TRIP13: variants seen among roughly 807,000 people sequenced by gnomAD.
The protein encoded by TRIP13 is pachytene checkpoint protein 2 homolog.
TRIP13 carries 25 observed loss-of-function variants against 54.4 expected under a neutral mutation model. The observed-to-expected ratio is 0.46, with a 90% CI of 0.33 to 0.64. The LOEUF (loss-of-function observed/expected upper bound fraction) is 0.64. Ranked by LOEUF, TRIP13 falls within the 30% of genes least tolerant of loss-of-function variation. The probability of loss-of-function intolerance (pLI) is 0.02; values close to 1 mark genes in which losing one functional copy is unlikely to be tolerated. For synonymous variants in TRIP13, 207 were observed against 207.8 expected, an observed-to-expected ratio of 1.00 and a Z score of 0.03; for missense variants, 373 against 534.2, an observed-to-expected ratio of 0.70 and a Z score of 2.97.
At chr5:914,996 AGT>A (rs1754314843) in intron 11 of TRIP13, among the ~76,000 whole-genome samples, 1 of 152,174 alleles carries the variant, frequency 6.6e-6, no homozygotes, top group Admixed American at 6.5e-5. Context: ...CTGCTGGAGC[AGT>A]GTGTTCAGGT....
intron 6 of TRIP13, 148 bp from the exon 7 acceptor site, chr5:906,982 A>G: frequency 1.6e-6 from 1 of 644,920 alleles, no homozygotes; most frequent in Non-Finnish European, 2.8e-6. Context: ...TAGTACACGG[A>G]GGGCTGGATT....
At chr5:903,410 T>C (rs1415688415) in intron 5 of TRIP13, among the ~76,000 whole-genome samples, 1 of 152,216 alleles carries the variant, frequency 6.6e-6, no homozygotes, top group Non-Finnish European at 1.5e-5. Context: ...AGGATTATTA[T>C]AATATTGGAA....
chr5:906,844 C>T (rs183432059), intron 6 of TRIP13, among the ~76,000 whole-genome samples: 60 of 152,272 alleles, frequency 3.9e-4, no homozygotes, highest in African/African-American at 1.4e-3. Flanking sequence ...TATGTTAGTA[C>T]TGCTAATATT....
In TRIP13 at chr5:900,562, GCC is replaced by G; in HGVS notation, c.444+14_444+15del. 6 of 1,609,826 alleles carry G rather than the reference GCC, an allele frequency of 3.7e-6. No individual in the cohort carries two copies. The highest frequency in any genetic ancestry group is 5.1e-6 in the Non-Finnish European group (6 of 1,178,890). Reference sequence around the variant, plus strand: ...AGTCAAATCCCATGTAAGTTGCTGTGCCTTTTCCCAGAATGCCCTGTTATTTG... The same window carrying G: ...AGTCAAATCCCATGTAAGTTGCTGTGTTTTCCCAGAATGCCCTGTTATTTG... On this transcript the variant is annotated intron_variant, in intron 4 of 12. Transcript: ENST00000166345.
chr5:904,849 G>A (rs1394657716), intron 6 of TRIP13, among the ~76,000 whole-genome samples: 2 of 152,000 alleles, frequency 1.3e-5, no homozygotes, highest in African/African-American at 4.8e-5. Context: ...TTTTTATACT[G>A]TTTTTTCATT....
chr5:896,381 G>A (rs1277779010), intron 2 of TRIP13, among the ~76,000 whole-genome samples: 4 of 152,128 alleles, frequency 2.6e-5, no homozygotes, highest in African/African-American at 9.7e-5. Context: ...GGTCCCATCT[G>A]TGTGAGTGTA....
In TRIP13 at chr5:916,995, G is replaced by A. The variant is rs58157086; in HGVS notation, c.1204-13G>A. On this transcript the variant is annotated splice_polypyrimidine_tract_variant and intron_variant, in intron 12 of 12. Coordinates refer to ENST00000166345, the MANE Select transcript of TRIP13 (RefSeq NM_004237.4). Reference sequence around the variant, plus strand: ...GAGTTGAGCCCCTCCAGCAATGACCGTGTACCTTCTAGGCCCCCACCGTCA... The same window carrying A: ...GAGTTGAGCCCCTCCAGCAATGACCATGTACCTTCTAGGCCCCCACCGTCA... The A allele has an allele frequency of 0.031, 49,467 of 1,611,866 alleles. 1,628 individuals carry two copies. The highest frequency in any genetic ancestry group is 0.17 in the African/African-American group (12,510 of 74,824).
intron 5 of TRIP13, among the ~76,000 whole-genome samples, chr5:901,804 G>C (rs891899842): frequency 2.0e-5 from 3 of 152,090 alleles, no homozygotes; most frequent in African/African-American, 7.2e-5. Flanking sequence ...TGTATTTTTA[G>C]TAGAGACGGG....
At chr5:910,610 G>A (rs527457992) in intron 9 of TRIP13, among the ~76,000 whole-genome samples, 1 of 152,170 alleles carries the variant, frequency 6.6e-6, no homozygotes, top group Non-Finnish European at 1.5e-5. Context: ...TCACAAGGGG[G>A]TGTGGCTCAG....
At chr5:900,424 G>A in intron 3 of TRIP13, 70 bp from the exon 4 acceptor site, 1 of 1,508,556 alleles carries the variant, frequency 6.6e-7, no homozygotes, top group Non-Finnish European at 9.2e-7. Context: ...TAGGCTCAGG[G>A]GAGACTGACT....
intron 9 of TRIP13, among the ~76,000 whole-genome samples, chr5:910,460 G>A (rs558475062): frequency 1.9e-4 from 29 of 152,164 alleles, no homozygotes; most frequent in African/African-American, 6.0e-4. Flanking sequence ...TTAGATGCCC[G>A]GGATGCCAGG....
chr5:893,083 G>C lies in TRIP13; in HGVS notation c.85G>C (p.Gly29Arg). The change falls in exon 1 of 13, where the codon GGC becomes CGC. Residue 29 changes from glycine (G) to arginine (R), a missense_variant. Gly to Arg is a moderately radical substitution (Grantham distance 125). Coordinates refer to ENST00000166345, the MANE Select transcript of TRIP13 (RefSeq NM_004237.4). ...GGTCCACGTGGAGGTGCATCAGCGC[G>C]GCAGCAGGTGAGCCGGACCTGTCCG... ...PTVHVEVHQR[G>R]SSTAKKEDIN... The C allele has an allele frequency of 6.3e-7, 1 of 1,593,694 alleles. No individual in the cohort carries two copies. Among genetic ancestry groups the C allele is most frequent in the Non-Finnish European group, 8.5e-7 (1 of 1,175,604 alleles).
At chr5:900,176 T>G (rs1580051235) in intron 3 of TRIP13, among the ~76,000 whole-genome samples, 1 of 152,206 alleles carries the variant, frequency 6.6e-6, no homozygotes, top group East Asian at 1.9e-4. Flanking sequence ...AACAATACCT[T>G]AAAGAAGGAT....
At position 908,023 on chromosome 5, in the gene TRIP13, T is replaced by G. The variant is rs1754152474; in HGVS notation, c.708T>G (p.Ile236Met). The change falls in exon 8 of 13, where the codon ATT (isoleucine) becomes ATG (methionine). Residue 236 changes from isoleucine to methionine, a missense_variant. Around this residue, in one of 4 missense-constraint regions of TRIP13, gnomAD observed 119 missense variants for 223.0 expected, o/e 0.53. Coordinates refer to ENST00000166345, the MANE Select transcript of TRIP13 (RefSeq NM_004237.4). The surrounding 1 kb of genome is among the most constrained non-coding windows in gnomAD (Gnocchi z 5.2). ...TGGTAACCAAGATGTTTCAGAAGAT[T>G]CAGGATTTGATTGATGATAAAGACG... ...GKLVTKMFQK[I>M]QDLIDDKDAL... The G allele has an allele frequency of 6.2e-7, 1 of 1,614,028 alleles. No individual in the cohort carries two copies. Among genetic ancestry groups the G allele is most frequent in the Non-Finnish European group, 8.5e-7 (1 of 1,180,038 alleles).
Position 917,059 on chromosome 5 carries a change from G to A in TRIP13, c.1255G>A (p.Asp419Asn). The A allele has an allele frequency of 5.6e-6, 9 of 1,614,106 alleles. No homozygotes were observed. The highest frequency in any genetic ancestry group is 7.6e-6 in the Non-Finnish European group (9 of 1,180,004). ...GFLQALSLAV[D>N]KQFEERKKLA... Reference sequence around the variant, plus strand: ...CCTCCAGGCCCTGTCTCTGGCAGTGGACAAGCAGTTTGAAGAGAGAAAGAA... The same window carrying A: ...CCTCCAGGCCCTGTCTCTGGCAGTGAACAAGCAGTTTGAAGAGAGAAAGAA... Residue 419 changes from aspartate (D) to asparagine (N), a missense_variant, in exon 13 of 13, where the codon GAC (aspartate) becomes AAC (asparagine). Asp to Asn is a conservative substitution (Grantham distance 23). Coordinates refer to ENST00000166345, the MANE Select transcript of TRIP13 (RefSeq NM_004237.4).
chr5:893,289 A>G (rs1354233696), intron 1 of TRIP13, among the ~76,000 whole-genome samples, 199 bp downstream of exon 1: 2 of 151,852 alleles, frequency 1.3e-5, no homozygotes, highest in Non-Finnish European at 2.9e-5. Flanking sequence ...ACCGCAGGGC[A>G]CTGACCCGGC....
chr5:903,628 C>T (rs1193600396), intron 5 of TRIP13, among the ~76,000 whole-genome samples: 1 of 152,102 alleles, frequency 6.6e-6, no homozygotes, highest in Non-Finnish European at 1.5e-5. Context: ...GAGTGCTGGC[C>T]TCTGCCTCTT....
intron 9 of TRIP13, among the ~76,000 whole-genome samples, chr5:910,385 C>T (rs985533233): frequency 1.3e-5 from 2 of 152,184 alleles, no homozygotes; most frequent in Non-Finnish European, 2.9e-5. Context: ...GCCCCTTCAG[C>T]ATAGCTCAGG....
intron 2 of TRIP13, among the ~76,000 whole-genome samples, chr5:895,237 A>G (rs1183854454): frequency 6.6e-6 from 1 of 152,180 alleles, no homozygotes; most frequent in Admixed American, 6.5e-5. Flanking sequence ...CCTGTGTGCC[A>G]TGTCTCATTC....
Sources: gnomAD v4.1 joint callset for allele counts (sites outside exome capture counted in the v4.1 genomes callset) on GRCh38, gnomAD v4.1.1 for gene constraint, gnomAD v4.1.1 regional missense constraint, Gnocchi (gnomAD v3.1) non-coding constraint, MANE v1.5 for transcripts, NCBI Gene and HGNC (gene_info 2026-07-23, HGNC 2026-07-21) for gene names.